The following SCRIB variants were observed in gnomAD, a reference collection of about 807,000 sequenced individuals.
The protein encoded by SCRIB is scribble planar cell polarity protein.
Under a neutral mutation model 170.0 loss-of-function variants are expected in SCRIB, and 72 were observed. The observed-to-expected ratio is 0.42, with a 90% confidence interval of 0.35 to 0.52. SCRIB has a LOEUF of 0.52. SCRIB is among the 20% of genes least tolerant of loss of function. SCRIB has a pLI of 0.02. For synonymous variants in SCRIB, 1,298 were observed against 1,044.3 expected (o/e 1.24, Z -4.68); for missense variants, 2,475 against 2,338.5 (o/e 1.06, Z -1.20).
rs1554636001 is a variant in SCRIB at position 143,804,854 on chromosome 8, C to A, written c.2752-29G>T. Reference sequence around the variant, plus strand: ...TGAGAGCGTGCCCGAATCAGGGAGGCCCAAGGGCAGAAGGGGACAGAGGGC... The same window carrying A: ...TGAGAGCGTGCCCGAATCAGGGAGGACCAAGGGCAGAAGGGGACAGAGGGC... On this transcript the variant is annotated intron_variant, in intron 20 of 36. Transcript: ENST00000356994. The A allele has an allele frequency of 2.6e-6, 4 of 1,551,298 alleles. No individual in the cohort carries two copies. In the African/African-American group the frequency reaches 4.2e-5, roughly 16 times the overall value.
chr8:143,812,008 C>T (rs1320468098), intron 9 of SCRIB, among the ~76,000 whole-genome samples: 1 of 152,188 alleles, frequency 6.6e-6, no homozygotes, highest in African/African-American at 2.4e-5. Flanking sequence ...GTAACCGCTC[C>T]CCAGTGTTAC....
chr8:143,815,234 G>C lies in SCRIB; in HGVS notation c.139C>G (p.Gln47Glu), dbSNP rs1816022326. 1.3e-6 allele frequency: 2 copies of C among 1,592,116 alleles called. No individual in the cohort carries two copies. Among genetic ancestry groups the C allele is most frequent in the African/African-American group, 1.4e-5 (1 of 73,240 alleles). ...SLEELLLDANQLRELPKPFFR... is the reference protein window; with the variant it reads ...SLEELLLDANELRELPKPFFR... ...CTCACCTTGGGCAGCTCGCGCAGCT[G>C]GTTGGCGTCGAGCAGCAGCTCCTCC... Residue 47 changes from glutamine (Q) to glutamate (E), a missense_variant, in exon 1 of 37, where the codon CAG becomes GAG. Coordinates refer to ENST00000356994, the MANE Select transcript of SCRIB (RefSeq NM_182706.5).
intron 12 of SCRIB, 23 bp from the exon 13 acceptor site, chr8:143,810,627 C>T: frequency 6.2e-7 from 1 of 1,608,280 alleles, no homozygotes; most frequent in Non-Finnish European, 8.5e-7. Context: ...CAAGGATGAG[C>T]AGCAGCCACA....
rs1438857657 is a variant in SCRIB at position 143,813,540 on chromosome 8, C to T, written c.447-14G>A. 1 of 1,613,202 alleles carries T rather than the reference C, an allele frequency of 6.2e-7. No individual in the cohort carries two copies. The highest frequency in any genetic ancestry group is 8.5e-7 in the Non-Finnish European group (1 of 1,179,950). On this transcript the variant is annotated splice_polypyrimidine_tract_variant and intron_variant, in intron 4 of 36. Transcript: ENST00000356994. ...AGGTTGGCGAGGCTGAAAGAGAGAC[C>T]AGGCGCTGGGGCAAGAGGAAGGAAA...
chr8:143,804,184 G>A, intron 21 of SCRIB, 28 bp from the exon 22 acceptor site: 1 of 1,537,048 alleles, frequency 6.5e-7, no homozygotes, highest in Non-Finnish European at 8.9e-7. Context: ...GACAAGGACA[G>A]GCCTCGGTCA....
At chr8:143,809,764 C>T (rs1401403944) in intron 13 of SCRIB, 46 bp from the exon 14 acceptor site, 1 of 1,584,210 alleles carries the variant, frequency 6.3e-7, no homozygotes, top group Admixed American at 1.7e-5. Context: ...TCCCGACTCA[C>T]AGGCTGGCCA....
chr8:143,795,090 T>C lies in SCRIB; in HGVS notation c.3794A>G (p.Lys1265Arg), dbSNP rs1554633808. 1 of 1,611,408 alleles carries C rather than the reference T, an allele frequency of 6.2e-7. No individual in the cohort carries two copies. The highest frequency in any genetic ancestry group is 1.1e-5 in the South Asian group (1 of 90,974). Residue 1265 changes from lysine to arginine, a missense_variant, in exon 27 of 37, where the codon AAG becomes AGG. This residue lies in a region of SCRIB where 1,966 missense variants were observed against 1,742.9 expected (regional missense o/e 1.13). Coordinates refer to ENST00000356994, the MANE Select transcript of SCRIB (RefSeq NM_182706.5). ...GGCGGCCAGGGCGCGGTAGTCCAGCTTCAGGGGCTGCAGACCCCGACCCTG... is the reference window on the plus strand; with the variant it reads ...GGCGGCCAGGGCGCGGTAGTCCAGCCTCAGGGGCTGCAGACCCCGACCCTG... ...EAAGRGLQPL[K>R]LDYRALAAVP... is the part of the protein sequence containing the mutation.
In SCRIB at chr8:143,791,649, G is replaced by C. The variant is rs782495308; in HGVS notation, c.4770+17C>G. ...CGGACAGGGTGGCAGGCATGCAGAG[G>C]CCTGGAGGCCAGGTACCTGGATGTC... is the stretch of plus-strand genomic sequence containing the variant. On this transcript the variant is annotated intron_variant, in intron 35 of 36. Coordinates refer to ENST00000356994, the MANE Select transcript of SCRIB (RefSeq NM_182706.5). 9 of 1,599,446 alleles carry C rather than the reference G, an allele frequency of 5.6e-6. No homozygotes were observed. Among genetic ancestry groups the C allele is most frequent in the Non-Finnish European group, 7.7e-6 (9 of 1,168,454 alleles).
At chr8:143,794,984 C>A in intron 27 of SCRIB, 54 bp downstream of exon 27, 1 of 1,548,638 alleles carries the variant, frequency 6.5e-7, no homozygotes, top group Non-Finnish European at 8.9e-7. Context: ...CTGGGGTGGC[C>A]GATGAACAGG....
intron 18 of SCRIB, among the ~76,000 whole-genome samples, 193 bp from the exon 19 acceptor site, chr8:143,805,628 GTCCTCT>G (rs1815391870): frequency 6.6e-6 from 1 of 152,174 alleles, no homozygotes; most frequent in Non-Finnish European, 1.5e-5. Context: ...CCCCTACCAG[GTCCTCT>G]GAAACCCGGT....
chr8:143,805,500 G>A, intron 18 of SCRIB, 65 bp from the exon 19 acceptor site: 1 of 1,388,986 alleles, frequency 7.2e-7, no homozygotes, highest in South Asian at 1.5e-5. Context: ...ACGTGCTGGG[G>A]GCTCCACACG....
intron 24 of SCRIB, among the ~76,000 whole-genome samples, chr8:143,802,200 C>T (rs1815204191): frequency 6.6e-6 from 1 of 152,244 alleles, no homozygotes; most frequent in Admixed American, 6.5e-5. Flanking sequence ...GGAGGGGACC[C>T]GGTGGGTGAG....
At chr8:143,809,811 C>A in intron 13 of SCRIB, 93 bp from the exon 14 acceptor site, 1 of 1,416,624 alleles carries the variant, frequency 7.1e-7, no homozygotes, top group Non-Finnish European at 9.6e-7. Flanking sequence ...CTTCCCTGAG[C>A]TTCCCGCTGC....
Position 143,801,123 on chromosome 8 carries a change from T to A in SCRIB, c.3603+2260A>T, listed in dbSNP as rs373780209. Among the ~76,000 whole-genome samples, 6 of 152,244 alleles carry A rather than the reference T, an allele frequency of 3.9e-5. No homozygotes were observed. The East Asian group carries it at 1.2e-3, about 29-fold the overall frequency. On this transcript the variant is annotated intron_variant, in intron 24 of 36. Transcript: ENST00000356994. ...TGGGACCAAGTCCAGAAACAGGGCT[T>A]GGAGCCTACAGGAACTGAACACAAT...
intron 6 of SCRIB, 98 bp downstream of exon 6, chr8:143,813,213 G>C (rs981138637): frequency 1.3e-6 from 2 of 1,588,442 alleles, no homozygotes; most frequent in Non-Finnish European, 1.7e-6. Flanking sequence ...CTGCCCTCCC[G>C]AGGTGCCCCT....
chr8:143,800,493 G>A (rs1815129954), intron 24 of SCRIB, among the ~76,000 whole-genome samples: 1 of 152,204 alleles, frequency 6.6e-6, no homozygotes, highest in Non-Finnish European at 1.5e-5. Flanking sequence ...AGGGGGTGAA[G>A]CAGATTTACA....
At chr8:143,814,173 G>T (rs1337849770) in intron 1 of SCRIB, 55 bp from the exon 2 acceptor site, 2 of 1,410,440 alleles carry the variant, frequency 1.4e-6, no homozygotes, top group East Asian at 5.0e-5. Context: ...GAGCAGAGAA[G>T]AGCTCCTGGA....
chr8:143,815,191 G>A, intron 1 of SCRIB, 23 bp downstream of exon 1: 6 of 1,549,076 alleles, frequency 3.9e-6, no homozygotes, highest in East Asian at 5.0e-5. Flanking sequence ...GCCTTTGGGC[G>A]GCAGGTGCGG....
chr8:143,810,930 G>A lies in SCRIB; in HGVS notation c.1249C>T (p.Pro417Ser). 1 of 1,611,756 alleles carries A rather than the reference G, an allele frequency of 6.2e-7. No individual in the cohort carries two copies. The highest frequency in any genetic ancestry group is 8.5e-7 in the Non-Finnish European group (1 of 1,179,854). ...GEKVLTCYLL[P>S]QQPPPSLEDA... ...CCGAGGCTGGGTGGGGGCTGCTGGG[G>A]CAGCAAGTAGCAGGTGAGCACCTTC... is the stretch of plus-strand genomic sequence containing the variant. Residue 417 changes from proline (P) to serine (S), a missense_variant, in exon 11 of 37, where the codon CCC becomes TCC. Around this residue, in one of 3 missense-constraint regions of SCRIB, gnomAD observed 487 missense variants for 558.1 expected, o/e 0.87. Coordinates refer to ENST00000356994, the MANE Select transcript of SCRIB (RefSeq NM_182706.5).
Sources: allele counts gnomAD v4.1 joint callset (sites outside exome capture counted in the v4.1 genomes callset), GRCh38; gene constraint gnomAD v4.1.1; regional missense constraint gnomAD v4.1.1; transcripts MANE v1.5; gene names NCBI Gene and HGNC (gene_info 2026-07-23, HGNC 2026-07-21).